The following NEK10 variants were observed in gnomAD, a reference collection of about 807,000 sequenced individuals.
NEK10 encodes NIMA related kinase 10.
In NEK10, 122 loss-of-function variants were observed where a neutral mutation model predicts 159.8. The observed-to-expected ratio is 0.76, with a 90% CI of 0.66 to 0.89. The LOEUF is 0.89. NEK10 is among the 40% of genes least tolerant of loss of function. The pLI is 0.00. For synonymous variants in NEK10, 466 were observed against 457.1 expected (o/e 1.02, Z -0.25); for missense variants, 1,342 against 1,323.1 (o/e 1.01, Z -0.22).
At chr3:27,208,633 A>G (rs2149083191) in intron 23 of NEK10, among the ~76,000 whole-genome samples, 1 of 152,328 alleles carries the variant, frequency 6.6e-6, no homozygotes, top group South Asian at 2.1e-4. Context: ...CTCCTTCTCT[A>G]GGATCCCAAG....
intron 35 of NEK10, among the ~76,000 whole-genome samples, chr3:27,111,666 G>C (rs1939559643): frequency 6.9e-6 from 1 of 145,974 alleles, no homozygotes; most frequent in Admixed American, 6.6e-5. Flanking sequence ...AATTCAAGTT[G>C]ATTCAATGTA....
At chr3:27,126,069 G>C (rs1941911047) in intron 32 of NEK10, among the ~76,000 whole-genome samples, 1 of 152,144 alleles carries the variant, frequency 6.6e-6, no homozygotes, top group African/African-American at 2.4e-5. Flanking sequence ...TAAGGGTTGT[G>C]CAAACCTAAG....
In NEK10 at chr3:27,141,649, G is replaced by A. The variant is rs1559506479; in HGVS notation, c.2870-67C>T. The A allele has an allele frequency of 7.2e-6, 9 of 1,246,560 alleles. No individual in the cohort carries two copies. In the East Asian group the frequency reaches 2.1e-4, roughly 29 times the overall value. The allele number at this position is 1,246,560 out of a possible 1,614,324, so 77.2% of individuals were successfully genotyped here. On this transcript the variant is annotated intron_variant, in intron 30 of 35. Coordinates refer to ENST00000691995, the MANE Select transcript of NEK10 (RefSeq NM_001394966.1). ...AAAGTTACATTAGTGAAAAAATGAA[G>A]TAAAATTCTAACACAAATTTTAAAG...
chr3:27,162,270 C>T, intron 30 of NEK10: 1 of 1,015,148 alleles, frequency 9.9e-7, no homozygotes, highest in Non-Finnish European at 1.4e-6. Flanking sequence ...ATATTTCAAC[C>T]AACAGTGAAC....
intron 23 of NEK10, among the ~76,000 whole-genome samples, chr3:27,221,004 A>G (rs1309216037): frequency 1.3e-5 from 2 of 152,208 alleles, no homozygotes; most frequent in Non-Finnish European, 2.9e-5. Context: ...ACCTCATACC[A>G]TATGCAAAAA....
intron 5 of NEK10, among the ~76,000 whole-genome samples, chr3:27,331,908 A>G (rs1198071716): frequency 1.3e-5 from 2 of 152,198 alleles, no homozygotes; most frequent in African/African-American, 2.4e-5. Flanking sequence ...GGTATAAAAT[A>G]ATAAGGATAC....
intron 5 of NEK10, among the ~76,000 whole-genome samples, chr3:27,323,110 C>T (rs2045764825): frequency 1.3e-5 from 2 of 152,262 alleles, no homozygotes; most frequent in South Asian, 4.1e-4. Context: ...TGAAAACATG[C>T]TCTCAGGAGA....
At chr3:27,219,975 C>T (rs914521579) in intron 23 of NEK10, among the ~76,000 whole-genome samples, 1 of 152,058 alleles carries the variant, frequency 6.6e-6, no homozygotes, top group Non-Finnish European at 1.5e-5. Flanking sequence ...TTTACAATAG[C>T]TTCAAAAAAA....
chr3:27,217,072 G>C (rs62256307), intron 23 of NEK10, among the ~76,000 whole-genome samples: 1 of 152,122 alleles, frequency 6.6e-6, no homozygotes, highest in African/African-American at 2.4e-5. Flanking sequence ...TTACTGACAG[G>C]CTTCTTAGAA....
intron 35 of NEK10, among the ~76,000 whole-genome samples, chr3:27,113,662 T>C (rs1939951354): frequency 6.6e-6 from 1 of 152,130 alleles, no homozygotes; most frequent in African/African-American, 2.4e-5. Flanking sequence ...ATTATCTGTT[T>C]ATCATAATAA....
chr3:27,323,530 AG>A (rs1452088957), intron 5 of NEK10, among the ~76,000 whole-genome samples: 2 of 152,172 alleles, frequency 1.3e-5, no homozygotes, highest in Non-Finnish European at 2.9e-5. Flanking sequence ...TTGAAATCAA[AG>A]TCACAGTCAC....
intron 23 of NEK10, among the ~76,000 whole-genome samples, chr3:27,211,094 T>C (rs770401830): frequency 1.1e-4 from 17 of 152,228 alleles, no homozygotes; most frequent in Admixed American, 2.0e-4. Flanking sequence ...CTTTAATTAG[T>C]TTCTTGTTTT....
rs1204466662 is a variant in NEK10, at chr3:27,286,385, CT to C, written c.1789+1312del. On this transcript the variant is annotated intron_variant, in intron 20 of 35. Coordinates refer to ENST00000691995, the MANE Select transcript of NEK10 (RefSeq NM_001394966.1). ...ACAAGTGTGAGCCACCGCGCCCAGC[CT>C]TTTTTTTTCTTTCTGAGGCAGAGTC... Among the ~76,000 whole-genome samples, 7 of 147,480 alleles carry C rather than the reference CT, an allele frequency of 4.7e-5. No homozygotes were observed. In the South Asian group the frequency reaches 1.1e-3, roughly 23 times the overall value.
At chr3:27,150,231 A>G (rs570198664) in intron 30 of NEK10, among the ~76,000 whole-genome samples, 12 of 152,234 alleles carry the variant, frequency 7.9e-5, no homozygotes, top group Non-Finnish European at 1.6e-4. Context: ...AGATCTTCTT[A>G]TGATCCAGCT....
At chr3:27,208,267 A>G (rs1168032780) in intron 23 of NEK10, among the ~76,000 whole-genome samples, 1 of 152,224 alleles carries the variant, frequency 6.6e-6, no homozygotes, top group African/African-American at 2.4e-5. Context: ...CATAATATTC[A>G]GATATATGGT....
rs575660478 is a variant in NEK10, at chr3:27,154,011, A to T, written c.2869+8690T>A. Among the ~76,000 whole-genome samples, 10 of 152,342 alleles carry T rather than the reference A, an allele frequency of 6.6e-5. No individual in the cohort carries two copies. In the South Asian group the frequency reaches 2.1e-3, roughly 32 times the overall value. On this transcript the variant is annotated intron_variant, in intron 30 of 35. Coordinates refer to ENST00000691995, the MANE Select transcript of NEK10 (RefSeq NM_001394966.1). ...AAAATATACAAAAGATACATGAAAC[A>T]AAAAGCTAATTCTTTGAAAATATAA...
chr3:27,262,597 G>T (rs1412895710), intron 22 of NEK10, among the ~76,000 whole-genome samples: 1 of 152,076 alleles, frequency 6.6e-6, no homozygotes, highest in Non-Finnish European at 1.5e-5. Flanking sequence ...TTCCATCACT[G>T]ATACCTTTTC....
chr3:27,228,612 T>C (rs1448167217), intron 23 of NEK10, among the ~76,000 whole-genome samples: 1 of 152,094 alleles, frequency 6.6e-6, no homozygotes, highest in Non-Finnish European at 1.5e-5. Flanking sequence ...TGGGAGCAGG[T>C]TGTTTCAGAT....
At chr3:27,343,575 C>T (rs2047350908) in intron 5 of NEK10, among the ~76,000 whole-genome samples, 1 of 152,080 alleles carries the variant, frequency 6.6e-6, no homozygotes, top group Non-Finnish European at 1.5e-5. Context: ...AAAGACAAGA[C>T]CCTATAATGA....
Sources: allele counts gnomAD v4.1 joint callset (sites outside exome capture counted in the v4.1 genomes callset), GRCh38; gene constraint gnomAD v4.1.1; transcripts MANE v1.5; gene names NCBI Gene and HGNC (gene_info 2026-07-23, HGNC 2026-07-21).